The following TENM3 variants were observed in gnomAD, a reference collection of about 807,000 sequenced individuals.
TENM3 encodes the protein teneurin-3.
Under a neutral mutation model 255.1 loss-of-function variants are expected in TENM3, and 63 were observed. The observed-to-expected ratio is 0.25, with a 90% CI of 0.20 to 0.30. The LOEUF is 0.30. TENM3 is among the 10% of genes least tolerant of loss of function. The pLI, the probability that TENM3 is intolerant of heterozygous loss-of-function variation, is 1.00. For synonymous variants in TENM3, 1,306 were observed against 1,322.3 expected, an observed-to-expected ratio of 0.99 and a Z score of 0.27; for missense variants, 2,929 against 3,461.1, an observed-to-expected ratio of 0.85 and a Z score of 3.86.
chr4:182,561,069 A>G (rs1056175386), intron 3 of TENM3, among the ~76,000 whole-genome samples: 2 of 152,154 alleles, frequency 1.3e-5, no homozygotes, highest in Non-Finnish European at 2.9e-5. Flanking sequence ...CTTTGCTGTT[A>G]CTGTCTACAA....
At chr4:181,945,514 T>C in the TENM3 span, among the ~76,000 whole-genome samples, 3 of 151,998 alleles carry the variant, frequency 2.0e-5, no homozygotes, top group Non-Finnish European at 4.4e-5. Flanking sequence ...GTCCTCAATT[T>C]TAGTTCCGAT....
At chr4:181,752,395 C>T in the TENM3 span, among the ~76,000 whole-genome samples, 26 of 151,656 alleles carry the variant, frequency 1.7e-4, no homozygotes, top group African/African-American at 6.3e-4. Flanking sequence ...ACTAAAAATA[C>T]AAAAAAAATA....
the TENM3 span, among the ~76,000 whole-genome samples, chr4:181,573,437 T>C: frequency 6.6e-6 from 1 of 152,108 alleles, no homozygotes; most frequent in Admixed American, 6.6e-5. Context: ...TAAAGAAATA[T>C]GAATCTTGAT....
chr4:182,162,657 A>G (rs1751433409), intron 1 of TENM3, among the ~76,000 whole-genome samples: 1 of 152,188 alleles, frequency 6.6e-6, no homozygotes, highest in East Asian at 1.9e-4. Context: ...TGGGAAGTCC[A>G]AGATCAAGGT....
the TENM3 span, among the ~76,000 whole-genome samples, chr4:181,684,489 G>A: frequency 6.6e-6 from 1 of 152,136 alleles, no homozygotes; most frequent in South Asian, 2.1e-4. Context: ...TGTGAGAAAT[G>A]TGTTTTTAAA....
the TENM3 span, among the ~76,000 whole-genome samples, chr4:182,041,146 A>C: frequency 3.3e-5 from 5 of 152,160 alleles, no homozygotes; most frequent in East Asian, 9.6e-4. Flanking sequence ...TAGAAGAAAG[A>C]GAATAAAGAT....
intron 9 of TENM3, 62 bp downstream of exon 9, chr4:182,680,411 C>A: frequency 6.8e-7 from 1 of 1,464,798 alleles, no homozygotes; most frequent in Non-Finnish European, 9.5e-7. Flanking sequence ...ACAAGTGATT[C>A]CAAAAACTAC....
chr4:181,518,541 C>A, the TENM3 span, among the ~76,000 whole-genome samples: 6 of 152,146 alleles, frequency 3.9e-5, no homozygotes, highest in African/African-American at 1.4e-4. Context: ...GATTCTCCTG[C>A]CTCAGCCTCC....
chr4:182,636,734 GAAAGA>G (rs58204854), intron 5 of TENM3, among the ~76,000 whole-genome samples: 33,735 of 150,392 alleles, frequency 0.22, 4,534 homozygotes, highest in African/African-American at 0.37. Flanking sequence ...AAAAAAGAAA[GAAAGA>G]AAAGAAAAGA....
chr4:181,795,289 G>A, the TENM3 span, among the ~76,000 whole-genome samples: 1 of 152,042 alleles, frequency 6.6e-6, no homozygotes, highest in Non-Finnish European at 1.5e-5. Flanking sequence ...GGTTCTCTGT[G>A]AGGATCCCTT....
At chr4:181,714,836 CAAAT>C in the TENM3 span, among the ~76,000 whole-genome samples, 5 of 152,058 alleles carry the variant, frequency 3.3e-5, no homozygotes, top group Non-Finnish European at 7.4e-5. Context: ...AGAGCAAAGA[CAAAT>C]AAAATATATT....
intron 19 of TENM3, among the ~76,000 whole-genome samples, chr4:182,747,523 G>A (rs1311148415): frequency 6.6e-6 from 1 of 152,168 alleles, no homozygotes; most frequent in Admixed American, 6.5e-5. Flanking sequence ...CTTCTCTGAT[G>A]TTTATAGTAT....
chr4:181,671,738 AACTTT>A, the TENM3 span, among the ~76,000 whole-genome samples: 1 of 150,448 alleles, frequency 6.6e-6, no homozygotes, highest in Non-Finnish European at 1.5e-5. Context: ...CTAGGAAGCA[AACTTT>A]ACTTTTTTTT....
intron 1 of TENM3, among the ~76,000 whole-genome samples, chr4:182,157,838 G>A (rs1362248262): frequency 3.3e-5 from 5 of 152,152 alleles, no homozygotes; most frequent in Non-Finnish European, 5.9e-5. Context: ...CCAACTTCAC[G>A]AACAGGTAAC....
chr4:182,350,930 G>A (rs914019445), intron 3 of TENM3, among the ~76,000 whole-genome samples: 4 of 151,972 alleles, frequency 2.6e-5, no homozygotes, highest in East Asian at 1.9e-4. Flanking sequence ...TGATCTGCCC[G>A]CCTCTGCCTC....
At chr4:181,871,063 G>A in the TENM3 span, among the ~76,000 whole-genome samples, 4 of 152,090 alleles carry the variant, frequency 2.6e-5, no homozygotes, top group South Asian at 2.1e-4. Flanking sequence ...TTTAGTGAAC[G>A]TTGATGGGTC....
the TENM3 span, among the ~76,000 whole-genome samples, chr4:181,783,440 G>T: frequency 6.6e-6 from 1 of 151,968 alleles, no homozygotes; most frequent in African/African-American, 2.4e-5. Context: ...CTTTGTGTAT[G>T]TAAAATTCAT....
intron 1 of TENM3, among the ~76,000 whole-genome samples, chr4:182,175,067 TAAC>T (rs1414490849): frequency 1.3e-5 from 2 of 152,224 alleles, no homozygotes; most frequent in East Asian, 1.9e-4. Flanking sequence ...TCCAGGCACA[TAAC>T]AACATTTCAG....
chr4:182,320,169 A>G (rs1762964597), intron 1 of TENM3, among the ~76,000 whole-genome samples: 1 of 152,124 alleles, frequency 6.6e-6, no homozygotes, highest in Non-Finnish European at 1.5e-5. Context: ...AGAGGTTTAC[A>G]CACTGTTTTC....
Sources: gnomAD v4.1 joint callset for allele counts (sites outside exome capture counted in the v4.1 genomes callset) on GRCh38, gnomAD v4.1.1 for gene constraint, MANE v1.5 for transcripts, NCBI Gene and HGNC (gene_info 2026-07-23, HGNC 2026-07-21) for gene names.